Variants in CREB3L1 observed in about 807,000 individuals in gnomAD.
The protein encoded by CREB3L1 is cyclic AMP-responsive element-binding protein 3-like protein 1.
A neutral mutation model predicts 54.5 loss-of-function variants in CREB3L1; 33 were observed. The ratio of observed to expected loss-of-function variants is 0.61; its 90% CI spans 0.46 to 0.81. CREB3L1 has a LOEUF of 0.81. Among genes scored for constraint, CREB3L1 ranks in the 30% least tolerant of loss-of-function variants. The pLI is 0.00. For missense variants in CREB3L1, 656 were observed against 673.3 expected (o/e 0.97, Z 0.29); for synonymous variants, 284 against 286.4 (o/e 0.99, Z 0.08).
At chr11:46,282,948 G>A (rs1939001044) in intron 1 of CREB3L1, among the ~76,000 whole-genome samples, 1 of 152,150 alleles carries the variant, frequency 6.6e-6, no homozygotes, top group Non-Finnish European at 1.5e-5. Flanking sequence ...AATGCTTTGG[G>A]AGACCAAGGT....
chr11:46,283,305 T>C (rs1806963542), intron 1 of CREB3L1, among the ~76,000 whole-genome samples: 1 of 152,198 alleles, frequency 6.6e-6, no homozygotes, highest in Non-Finnish European at 1.5e-5. Context: ...GTCTGTACTA[T>C]CACAAAAAGC....
At chr11:46,293,992 A>T (rs952840295) in intron 1 of CREB3L1, among the ~76,000 whole-genome samples, 6 of 152,150 alleles carry the variant, frequency 3.9e-5, no homozygotes, top group African/African-American at 1.4e-4. Context: ...TATGTGTGAT[A>T]GCGCCTGTAC....
chr11:46,312,963 G>C (rs1261514590), intron 8 of CREB3L1, 44 bp downstream of exon 8: 1 of 1,443,940 alleles, frequency 6.9e-7, no homozygotes, highest in Non-Finnish European at 9.5e-7. Context: ...CTGCCCCTCT[G>C]CAACCCGTGC....
intron 3 of CREB3L1, among the ~76,000 whole-genome samples, chr11:46,308,552 C>G (rs1939436780): frequency 6.6e-6 from 1 of 152,228 alleles, no homozygotes; most frequent in East Asian, 1.9e-4. Flanking sequence ...TGGCTCCTAG[C>G]CGAGGTCCTG....
At chr11:46,287,184 T>A (rs1353813576) in intron 1 of CREB3L1, among the ~76,000 whole-genome samples, 2 of 152,240 alleles carry the variant, frequency 1.3e-5, no homozygotes, top group Non-Finnish European at 2.9e-5. Context: ...AAAAGTAGGG[T>A]TCATGGTAAA....
intron 1 of CREB3L1, among the ~76,000 whole-genome samples, chr11:46,294,095 C>A (rs1260605644): frequency 5.9e-5 from 9 of 152,160 alleles, no homozygotes; most frequent in Non-Finnish European, 1.3e-4. Context: ...TACAAAGGAA[C>A]CCCTCAGCCC....
At position 46,307,963 on chromosome 11, in the gene CREB3L1, G is replaced by A. The variant is rs1394373662; in HGVS notation, c.479G>A (p.Gly160Asp). The change falls in exon 3 of 12, where the codon GGC becomes GAC. Residue 160 changes from glycine to aspartate, a missense_variant. This residue lies in a region of CREB3L1 where 339 missense variants were observed against 331.5 expected (regional missense o/e 1.02). Transcript: ENST00000621158. ...GCCATGGCCACCACCCCGCTGCTGGGCCTCAGCCCCTTGTCCAGGCTGCCC... is the reference window on the plus strand; with the variant it reads ...GCCATGGCCACCACCCCGCTGCTGGACCTCAGCCCCTTGTCCAGGCTGCCC... ...AAAMATTPLL[G>D]LSPLSRLPIP... The A allele has an allele frequency of 6.4e-7, 1 of 1,563,758 alleles. No homozygotes were observed. Among genetic ancestry groups the A allele is most frequent in the East Asian group, 2.4e-5 (1 of 41,766 alleles).
intron 7 of CREB3L1, 63 bp downstream of exon 7, chr11:46,312,733 T>G: frequency 1.3e-6 from 2 of 1,560,630 alleles, no homozygotes; most frequent in Non-Finnish European, 1.7e-6. Context: ...CCCTAGGCCC[T>G]CCCTCAGGGG....
At chr11:46,285,528 G>T (rs1939042871) in intron 1 of CREB3L1, among the ~76,000 whole-genome samples, 1 of 152,128 alleles carries the variant, frequency 6.6e-6, no homozygotes, top group Admixed American at 6.5e-5. Context: ...TATGTCAAAG[G>T]TATTGATTTC....
At chr11:46,299,501 G>C (rs11038855) in intron 1 of CREB3L1, among the ~76,000 whole-genome samples, 2 of 152,204 alleles carry the variant, frequency 1.3e-5, no homozygotes, top group Admixed American at 1.3e-4. Context: ...TGTTGGCGTA[G>C]ACACACGGTT....
At chr11:46,313,613 G>A (rs1333468237) in intron 8 of CREB3L1, among the ~76,000 whole-genome samples, 2 of 152,072 alleles carry the variant, frequency 1.3e-5, no homozygotes, top group Non-Finnish European at 2.9e-5. Flanking sequence ...TTGAATCCGA[G>A]AGGCGGCAGT....
In CREB3L1 at chr11:46,320,950, C is replaced by A. The variant is rs1381907244; in HGVS notation, c.*204C>A. ...ACTCTGTTCTCATTCTCCTTCCCAC[C>A]AACATCCATCCGTCCTTCTCAGACA... On this transcript the variant is annotated 3_prime_UTR_variant, in exon 12 of 12. Transcript: ENST00000621158. The A allele has an allele frequency of 2.9e-6, 2 of 698,012 alleles. No individual in the cohort carries two copies. Among genetic ancestry groups the A allele is most frequent in the African/African-American group, 3.5e-5 (2 of 57,096 alleles). The allele number at this position is 698,012 out of a possible 1,614,324, so 43.2% of individuals were successfully genotyped here. A position where few individuals can be genotyped will look rare whatever the true frequency, so the allele number is the denominator to read the frequency against.
In CREB3L1 at chr11:46,312,656, G is replaced by T. The variant is rs773439453; in HGVS notation, c.948G>T (p.Glu316Asp). Reference protein sequence around the residue: ...ESRRKKKEYVECLEKKVETFT... With the variant: ...ESRRKKKEYVDCLEKKVETFT... ...GTCGTAAGAAGAAGGAGTATGTGGA[G>T]TGTCTAGAAAAGAAGTAAGGGGCTT... is the stretch of plus-strand genomic sequence containing the variant. The change falls in exon 7 of 12, where the codon GAG becomes GAT. Residue 316 changes from glutamate to aspartate, a missense_variant. Glu to Asp is a conservative substitution (Grantham distance 45). Around this residue, in one of 3 missense-constraint regions of CREB3L1, gnomAD observed 77 missense variants for 122.0 expected, o/e 0.63. Transcript: ENST00000621158. 6.2e-7 allele frequency: 1 copy of T among 1,610,656 alleles called. No homozygotes were observed. The highest frequency in any genetic ancestry group is 8.5e-7 in the Non-Finnish European group (1 of 1,178,346).
chr11:46,316,239 T>C, intron 8 of CREB3L1, 47 bp from the exon 9 acceptor site: 1 of 1,249,982 alleles, frequency 8.0e-7, no homozygotes, highest in Non-Finnish European at 1.1e-6. Flanking sequence ...GAGGCAGAGA[T>C]GCCTGCGGGG....
At chr11:46,299,398 C>T (rs910314422) in intron 1 of CREB3L1, among the ~76,000 whole-genome samples, 1 of 152,152 alleles carries the variant, frequency 6.6e-6, no homozygotes, top group Non-Finnish European at 1.5e-5. Flanking sequence ...AGACTGGAGG[C>T]CTCAAGAATC....
At chr11:46,282,203 A>C (rs1938988273) in intron 1 of CREB3L1, among the ~76,000 whole-genome samples, 1 of 152,176 alleles carries the variant, frequency 6.6e-6, no homozygotes. Context: ...ATTCTTAGAG[A>C]AGAGGGAAAA....
intron 1 of CREB3L1, among the ~76,000 whole-genome samples, chr11:46,298,131 G>T (rs1301282481): frequency 6.6e-6 from 1 of 152,178 alleles, no homozygotes. Context: ...CAGAGCTCGT[G>T]TTCATCTCCT....
rs1298133475 is a variant in CREB3L1 at position 46,300,298 on chromosome 11, G to A, written c.331+135G>A. On this transcript the variant is annotated intron_variant, in intron 2 of 11. Transcript: ENST00000621158. ...AAGAGGAGCCACCACAAACCCCTTA[G>A]GAGGTGCTCCTCCCTGCCTTTCTGT... 4 of 660,856 alleles carry A rather than the reference G, an allele frequency of 6.1e-6. No homozygotes were observed. In the Admixed American group the frequency reaches 8.4e-5, roughly 14 times the overall value. 40.9% of individuals were successfully genotyped at this position (660,856 alleles called of 1,614,324 possible).
intron 8 of CREB3L1, among the ~76,000 whole-genome samples, chr11:46,313,642 T>C (rs1231228136): frequency 6.6e-6 from 1 of 151,766 alleles, no homozygotes; most frequent in East Asian, 1.9e-4. Context: ...GCTGACACTG[T>C]GCCACTGCAC....
Sources: gnomAD v4.1 joint callset for allele counts (sites outside exome capture counted in the v4.1 genomes callset) on GRCh38, gnomAD v4.1.1 for gene constraint, gnomAD v4.1.1 regional missense constraint, MANE v1.5 for transcripts, NCBI Gene and HGNC (gene_info 2026-07-23, HGNC 2026-07-21) for gene names.